The following PCCA variants were observed in gnomAD, a reference collection of about 807,000 sequenced individuals.
PCCA encodes propionyl-CoA carboxylase subunit alpha, also known as propionyl-CoA carboxylase alpha chain, mitochondrial.
A neutral mutation model predicts 101.3 loss-of-function variants in PCCA; 74 were observed. The ratio of observed to expected loss-of-function variants is 0.73; its 90% CI spans 0.61 to 0.89. The LOEUF (loss-of-function observed/expected upper bound fraction) is 0.89. Among genes scored for constraint, PCCA ranks in the 40% least tolerant of loss-of-function variants. PCCA has a pLI of 0.00. For missense variants in PCCA, 891 were observed against 907.0 expected, an observed-to-expected ratio of 0.98 and a Z score of 0.23; for synonymous variants, 294 against 313.6, an observed-to-expected ratio of 0.94 and a Z score of 0.66.
At chr13:100,382,269 C>T (rs1188913751) in intron 19 of PCCA, among the ~76,000 whole-genome samples, 1 of 152,132 alleles carries the variant, frequency 6.6e-6, no homozygotes, top group African/African-American at 2.4e-5. Flanking sequence ...GTGATCTTCC[C>T]CTGAAGTCCG....
At chr13:100,493,836 C>CT (rs1394275562) in intron 21 of PCCA, among the ~76,000 whole-genome samples, 1 of 152,218 alleles carries the variant, frequency 6.6e-6, no homozygotes, top group Non-Finnish European at 1.5e-5. Context: ...TTCAGCTTCT[C>CT]TTTAAAGTAC....
At chr13:100,097,871 A>G (rs981820305) in intron 1 of PCCA, among the ~76,000 whole-genome samples, 1 of 152,176 alleles carries the variant, frequency 6.6e-6, no homozygotes, top group Non-Finnish European at 1.5e-5. Flanking sequence ...AAAAAATAAA[A>G]AAATTAGTGG....
At chr13:100,504,227 C>G (rs1194240276) in intron 21 of PCCA, among the ~76,000 whole-genome samples, 2 of 152,174 alleles carry the variant, frequency 1.3e-5, no homozygotes, top group Non-Finnish European at 2.9e-5. Context: ...AATATGAATT[C>G]TTCTGCCATG....
At chr13:100,139,097 T>A (rs2051551174) in intron 4 of PCCA, among the ~76,000 whole-genome samples, 1 of 152,166 alleles carries the variant, frequency 6.6e-6, no homozygotes, top group Non-Finnish European at 1.5e-5. Flanking sequence ...TGGCTTCTGA[T>A]GTGAAATCCA....
intron 22 of PCCA, among the ~76,000 whole-genome samples, chr13:100,525,128 G>A (rs901608196): frequency 2.6e-5 from 4 of 152,122 alleles, no homozygotes; most frequent in East Asian, 1.9e-4. Context: ...AATGAAAGGC[G>A]GATGGAGCAG....
chr13:100,506,888 G>T (rs2086125484), intron 21 of PCCA, among the ~76,000 whole-genome samples: 2 of 152,182 alleles, frequency 1.3e-5, no homozygotes, highest in African/African-American at 4.8e-5. Context: ...TCTGTAAGCT[G>T]ATGCTGCCCT....
chr13:100,516,736 C>CGTGTGTGT (rs3840000), intron 22 of PCCA, among the ~76,000 whole-genome samples: 3,001 of 145,016 alleles, frequency 0.021, 56 homozygotes, highest in South Asian at 0.07. Context: ...AGAAAAATTA[C>CGTGTGTGT]GTGTGTGTGT....
chr13:100,178,676 A>G (rs1247690767), intron 6 of PCCA, among the ~76,000 whole-genome samples: 1 of 152,224 alleles, frequency 6.6e-6, no homozygotes, highest in African/African-American at 2.4e-5. Context: ...ACGGAGATAC[A>G]GAATTACTGT....
In PCCA at chr13:100,365,462, T is replaced by G. The variant is rs188422501; in HGVS notation, c.1644-3010T>G. On this transcript the variant is annotated intron_variant, in intron 18 of 23. Coordinates refer to ENST00000376285, the MANE Select transcript of PCCA (RefSeq NM_000282.4). ...AGGATCAGCAATGTTCCAATGCCTC[T>G]GGAAGCAGAGACTTGTTACGTGATA... Among the ~76,000 whole-genome samples, 432 of 152,320 alleles carry G rather than the reference T, an allele frequency of 2.8e-3. 1 individual carries two copies. Among genetic ancestry groups the G allele is most frequent in the Middle Eastern group, 0.017 (5 of 294 alleles).
chr13:100,180,675 C>G (rs1325894968), intron 6 of PCCA, among the ~76,000 whole-genome samples: 2 of 152,134 alleles, frequency 1.3e-5, no homozygotes, highest in African/African-American at 4.8e-5. Flanking sequence ...GATTTCTTTC[C>G]CCTGGTATTA....
At chr13:100,194,893 A>C (rs2058008474) in intron 6 of PCCA, among the ~76,000 whole-genome samples, 1 of 152,194 alleles carries the variant, frequency 6.6e-6, no homozygotes, top group Non-Finnish European at 1.5e-5. Context: ...CCTCATGCTA[A>C]GTGAAGTGTT....
intron 8 of PCCA, among the ~76,000 whole-genome samples, chr13:100,239,409 G>A (rs1016386734): frequency 6.6e-6 from 1 of 152,094 alleles, no homozygotes; most frequent in Non-Finnish European, 1.5e-5. Context: ...ATACTGTAAG[G>A]TACTCAAATG....
chr13:100,396,485 C>T lies in PCCA; in HGVS notation c.1746+27911C>T, dbSNP rs550599911. Among the ~76,000 whole-genome samples the T allele has an allele frequency of 7.2e-5, 11 of 152,308 alleles. No individual in the cohort carries two copies. In the East Asian group the frequency reaches 1.7e-3, roughly 24 times the overall value. The stretch of plus-strand genomic sequence containing the variant: ...TTAAAAGAAGCTAAAGTAGCTTTTA[C>T]TTTGCAAGCAGTTCTTTTCCATTGT... On this transcript the variant is annotated intron_variant, in intron 19 of 23. Transcript: ENST00000376285.
chr13:100,382,848 TTAAAA>T (rs1305457003), intron 19 of PCCA, among the ~76,000 whole-genome samples: 1 of 152,066 alleles, frequency 6.6e-6, no homozygotes, highest in African/African-American at 2.4e-5. Flanking sequence ...TTGGAAGTAA[TTAAAA>T]TAATGTAATA....
chr13:100,186,749 CA>C (rs113247072), intron 6 of PCCA, among the ~76,000 whole-genome samples: 44 of 106,184 alleles, frequency 4.1e-4, no homozygotes, highest in East Asian at 4.7e-4. Context: ...AAAAAAAAAA[CA>C]AAAAAAAAAA....
chr13:100,408,328 T>G (rs955108887), intron 19 of PCCA, among the ~76,000 whole-genome samples: 1 of 152,238 alleles, frequency 6.6e-6, no homozygotes, highest in African/African-American at 2.4e-5. Flanking sequence ...CTCAAAATAC[T>G]TAGCAAACTT....
chr13:100,273,979 A>G (rs1379358815), intron 12 of PCCA, among the ~76,000 whole-genome samples: 2 of 152,196 alleles, frequency 1.3e-5, no homozygotes, highest in Non-Finnish European at 2.9e-5. Context: ...TACATAGAAC[A>G]CAGGTGAATA....
At chr13:100,364,872 G>A (rs899968559) in intron 18 of PCCA, among the ~76,000 whole-genome samples, 1 of 152,060 alleles carries the variant, frequency 6.6e-6, no homozygotes, top group Non-Finnish European at 1.5e-5. Context: ...GCGTCATAGC[G>A]AGATCCACCC....
rs76386150 is a variant in PCCA, at chr13:100,442,295, G to GTCCT, written c.1846-6939_1846-6936dup. On this transcript the variant is annotated intron_variant, in intron 20 of 23. Coordinates refer to ENST00000376285, the MANE Select transcript of PCCA (RefSeq NM_000282.4). ...AGGCGTGAGCCACCACGCCTGGCCT[G>GTCCT]TCCTTCCTTCCTTCCTTCCTTTACA... Among the ~76,000 whole-genome samples, 10 of 151,976 alleles carry GTCCT rather than the reference G, an allele frequency of 6.6e-5. No homozygotes were observed. The East Asian group carries it at 9.7e-4, about 15-fold the overall frequency.
Sources: gnomAD v4.1 joint callset for allele counts (sites outside exome capture counted in the v4.1 genomes callset) on GRCh38, gnomAD v4.1.1 for gene constraint, MANE v1.5 for transcripts, NCBI Gene and HGNC (gene_info 2026-07-23, HGNC 2026-07-21) for gene names.